DNAH7: variants seen among roughly 807,000 people sequenced by gnomAD.
The protein encoded by DNAH7 is axonemal beta dynein heavy chain 7.
A neutral mutation model predicts 444.6 loss-of-function variants in DNAH7; 397 were observed. The observed-to-expected ratio is 0.89, with a 90% CI of 0.82 to 0.97. The LOEUF is 0.97. Ranked by LOEUF, DNAH7 falls within the 50% of genes least tolerant of loss-of-function variation. The pLI, the probability that DNAH7 is intolerant of heterozygous loss-of-function variation, is 0.00. For synonymous variants in DNAH7, 1,636 were observed against 1,624.4 expected, an observed-to-expected ratio of 1.01 and a Z score of -0.17; for missense variants, 4,902 against 4,800.8, an observed-to-expected ratio of 1.02 and a Z score of -0.62.
chr2:195,926,683 T>C, intron 21 of DNAH7, 117 bp from the exon 22 acceptor site: 1 of 898,062 alleles, frequency 1.1e-6, no homozygotes, highest in Non-Finnish European at 1.6e-6. Flanking sequence ...TTCTTAGACA[T>C]TTATGCAAGA....
chr2:195,785,199 C>A (rs577844695), intron 58 of DNAH7, among the ~76,000 whole-genome samples: 1 of 152,290 alleles, frequency 6.6e-6, no homozygotes, highest in South Asian at 2.1e-4. Context: ...GCGTGAGCCA[C>A]CGCACCCGGC....
intron 21 of DNAH7, among the ~76,000 whole-genome samples, chr2:195,927,058 C>A (rs1193467819): frequency 1.3e-5 from 2 of 152,142 alleles, no homozygotes; most frequent in Non-Finnish European, 2.9e-5. Flanking sequence ...CCAGGCCTCA[C>A]TCCCTCTCAA....
intron 61 of DNAH7, among the ~76,000 whole-genome samples, chr2:195,758,738 G>C (rs1475644891): frequency 6.6e-6 from 1 of 152,210 alleles, no homozygotes; most frequent in Non-Finnish European, 1.5e-5. Flanking sequence ...TTGTAGGAGG[G>C]AGAGCACAAT....
chr2:195,967,993 C>T (rs534999332), intron 17 of DNAH7, among the ~76,000 whole-genome samples: 211 of 152,366 alleles, frequency 1.4e-3, no homozygotes, highest in Non-Finnish European at 2.3e-3. Flanking sequence ...GCTGCTGCCA[C>T]CACTGGCCCA....
rs73062500 is a variant in DNAH7, at chr2:195,855,017, T to A, written c.8595+794A>T. On this transcript the variant is annotated intron_variant, in intron 45 of 64. Transcript: ENST00000312428. The stretch of plus-strand genomic sequence containing the variant: ...GTACAGCTATTGGAATCAGGCTGCC[T>A]GGGTTCAGGTCTCAGACTTGATGCT... Among the ~76,000 whole-genome samples, 8 of 152,226 alleles carry A rather than the reference T, an allele frequency of 5.3e-5. No homozygotes were observed. The South Asian group carries it at 1.2e-3, about 24-fold the overall frequency.
At chr2:195,810,273 CT>C (rs1157865320) in intron 51 of DNAH7, among the ~76,000 whole-genome samples, 3 of 152,060 alleles carry the variant, frequency 2.0e-5, no homozygotes, top group Non-Finnish European at 4.4e-5. Context: ...TTAGTAGCTT[CT>C]TTATTAAATT....
chr2:195,891,674 C>G lies in DNAH7; in HGVS notation c.5027G>C (p.Arg1676Thr). 4 of 1,593,462 alleles carry G rather than the reference C, an allele frequency of 2.5e-6. No homozygotes were observed. The highest frequency in any genetic ancestry group is 3.4e-6 in the Non-Finnish European group (4 of 1,171,612). The change falls in exon 31 of 65, where the codon AGA becomes ACA. Residue 1676 changes from arginine (R) to threonine (T), a missense_variant. Physicochemically the swap from Arg to Thr is moderately conservative, Grantham distance 71. Transcript: ENST00000312428. Reference protein sequence around the residue: ...WSDGVLAVSFRAFASSVTPDR... With the variant: ...WSDGVLAVSFTAFASSVTPDR... ...ACTTACCACTGAAGAGGCAAATGCTCTAAAACTGACAGCAAGGACCCCATC... is the reference window on the plus strand; with the variant it reads ...ACTTACCACTGAAGAGGCAAATGCTGTAAAACTGACAGCAAGGACCCCATC...
At chr2:195,951,734 A>G (rs1690271722) in intron 19 of DNAH7, among the ~76,000 whole-genome samples, 1 of 151,768 alleles carries the variant, frequency 6.6e-6, no homozygotes, top group South Asian at 2.1e-4. Flanking sequence ...AGTCTGTTTT[A>G]TCAGAGACTA....
At chr2:196,053,243 G>C (rs1697593976) in intron 2 of DNAH7, among the ~76,000 whole-genome samples, 2 of 152,246 alleles carry the variant, frequency 1.3e-5, no homozygotes, top group Admixed American at 1.3e-4. Flanking sequence ...AGCTAGACAA[G>C]TGGGTGCTGT....
chr2:195,889,192 T>C (rs1305535440), intron 31 of DNAH7, among the ~76,000 whole-genome samples: 1 of 152,182 alleles, frequency 6.6e-6, no homozygotes, highest in African/African-American at 2.4e-5. Flanking sequence ...ATACTATATA[T>C]GCCATGGACA....
At chr2:195,792,394 T>C (rs375275132) in intron 57 of DNAH7, among the ~76,000 whole-genome samples, 16 of 117,316 alleles carry the variant, frequency 1.4e-4, no homozygotes, top group Middle Eastern at 4.8e-3. Flanking sequence ...AACCAAAAAA[T>C]ACACACACAC....
At chr2:195,782,263 T>C (rs1414749279) in intron 58 of DNAH7, among the ~76,000 whole-genome samples, 1 of 152,218 alleles carries the variant, frequency 6.6e-6, no homozygotes, top group Non-Finnish European at 1.5e-5. Flanking sequence ...GACTTAATAA[T>C]GTCAAAGGGA....
chr2:195,747,134 C>A (rs1421460660), intron 63 of DNAH7, among the ~76,000 whole-genome samples: 1 of 151,926 alleles, frequency 6.6e-6, no homozygotes, highest in Non-Finnish European at 1.5e-5. Flanking sequence ...AGAGAAGAAT[C>A]AAATAGACGC....
At chr2:195,738,273 A>G in intron 64 of DNAH7, 146 bp from the exon 65 acceptor site, 1 of 659,486 alleles carries the variant, frequency 1.5e-6, no homozygotes, top group South Asian at 2.1e-5. Flanking sequence ...TGTTGTTGTG[A>G]TTGCTCAAAA....
At chr2:195,755,371 C>A (rs1354734269) in intron 62 of DNAH7, among the ~76,000 whole-genome samples, 2 of 152,150 alleles carry the variant, frequency 1.3e-5, no homozygotes, top group African/African-American at 4.8e-5. Flanking sequence ...CTGTTCATAA[C>A]ATAGATTCTA....
intron 21 of DNAH7, among the ~76,000 whole-genome samples, chr2:195,934,292 C>G (rs1387771043): frequency 6.6e-6 from 1 of 152,102 alleles, no homozygotes; most frequent in East Asian, 1.9e-4. Context: ...CTGCATAGAA[C>G]AAAGTGTATC....
chr2:195,743,010 T>C (rs1693135933), intron 63 of DNAH7, among the ~76,000 whole-genome samples: 1 of 152,212 alleles, frequency 6.6e-6, no homozygotes, highest in Non-Finnish European at 1.5e-5. Flanking sequence ...CACCATCTAA[T>C]CAGCTTCCAG....
At chr2:196,046,067 A>G (rs894320503) in intron 5 of DNAH7, among the ~76,000 whole-genome samples, 11 of 149,364 alleles carry the variant, frequency 7.4e-5, no homozygotes, top group African/African-American at 2.7e-4. Context: ...ACACAGAAAC[A>G]AAAAAAAAAC....
chr2:196,004,926 G>C (rs1694266082), intron 10 of DNAH7, among the ~76,000 whole-genome samples: 1 of 130,610 alleles, frequency 7.7e-6, no homozygotes, highest in Non-Finnish European at 1.5e-5. Flanking sequence ...TCATGCCACA[G>C]CAGTCCTGCC....
Sources: allele counts gnomAD v4.1 joint callset (sites outside exome capture counted in the v4.1 genomes callset), GRCh38; gene constraint gnomAD v4.1.1; transcripts MANE v1.5; gene names NCBI Gene and HGNC (gene_info 2026-07-23, HGNC 2026-07-21).